Variants in REPS1 observed in about 807,000 individuals in gnomAD.
The protein encoded by REPS1 is ralBP1-associated Eps domain-containing protein 1.
In REPS1, 39 loss-of-function variants were observed where a neutral mutation model predicts 100.9. The ratio of observed to expected loss-of-function variants is 0.39; its 90% CI spans 0.30 to 0.50. The LOEUF (loss-of-function observed/expected upper bound fraction) is 0.50, where lower values mean the gene tolerates loss of function less well. Among genes scored for constraint, REPS1 ranks in the 20% least tolerant of loss-of-function variants. REPS1 has a pLI of 0.86. For missense variants in REPS1, 821 were observed against 968.5 expected (o/e 0.85, Z 2.02); for synonymous variants, 324 against 340.3 (o/e 0.95, Z 0.53).
rs1554292164 is a variant in REPS1 at position 138,947,035 on chromosome 6, G to GCTCTCTCTCTCTCTTGCT, written c.277+754_277+755insAGCAAGAGAGAGAGAGAG. On this transcript the variant is annotated intron_variant, in intron 2 of 19. Coordinates refer to ENST00000450536, the MANE Select transcript of REPS1 (RefSeq NM_001286611.2). ...TAAATGTCTGTGGCTATTCCCCCTT[G>GCTCTCTCTCTCTCTTGCT]CTCTCTCTCTCTCTCTCTCTCTCTC... 9.6e-3 allele frequency among the ~76,000 whole-genome samples: 1,320 copies of GCTCTCTCTCTCTCTTGCT among 137,620 alleles called. 23 individuals carry two copies. Among genetic ancestry groups the GCTCTCTCTCTCTCTTGCT allele is most frequent in the African/African-American group, 0.035 (1,257 of 35,418 alleles). 90.3% of individuals were successfully genotyped at this position (137,620 alleles called of 152,430 possible).
intron 12 of REPS1, 42 bp downstream of exon 12, chr6:138,920,173 G>C: frequency 9.6e-7 from 1 of 1,044,228 alleles, no homozygotes; most frequent in South Asian, 1.3e-5. Context: ...TCTAAATCCA[G>C]ACTTAGTAAA....
chr6:138,910,267 C>T (rs944466178), intron 17 of REPS1, among the ~76,000 whole-genome samples: 4 of 152,340 alleles, frequency 2.6e-5, no homozygotes, highest in South Asian at 2.1e-4. Context: ...TTGCCTTCTG[C>T]CATGATTCTA....
chr6:138,914,043 C>G (rs1780191331), intron 15 of REPS1, among the ~76,000 whole-genome samples: 1 of 152,068 alleles, frequency 6.6e-6, no homozygotes, highest in Non-Finnish European at 1.5e-5. Context: ...TAAACACATC[C>G]AGAGAGATGC....
intron 1 of REPS1, among the ~76,000 whole-genome samples, chr6:138,959,290 T>C (rs1783589939): frequency 6.6e-6 from 1 of 152,156 alleles, no homozygotes; most frequent in Non-Finnish European, 1.5e-5. Context: ...AGCTACTTCT[T>C]ATTCCTGGTG....
At chr6:138,957,458 T>C (rs1415066933) in intron 1 of REPS1, among the ~76,000 whole-genome samples, 1 of 152,232 alleles carries the variant, frequency 6.6e-6, no homozygotes, top group African/African-American at 2.4e-5. Flanking sequence ...ATGGAAAGAA[T>C]GGACATTTTC....
At chr6:138,927,238 G>A (rs1781198072) in intron 9 of REPS1, 1 of 151,952 alleles carries the variant, frequency 6.6e-6, no homozygotes, top group African/African-American at 2.4e-5. Flanking sequence ...CTGAGCATGA[G>A]TTATATACAG....
At chr6:138,925,365 T>G (rs1055835017) in intron 10 of REPS1, among the ~76,000 whole-genome samples, 1 of 152,030 alleles carries the variant, frequency 6.6e-6, no homozygotes, top group Non-Finnish European at 1.5e-5. Flanking sequence ...AGGCTCCAAC[T>G]CAAAAAACAA....
At chr6:138,983,731 C>A (rs1018237374) in intron 1 of REPS1, among the ~76,000 whole-genome samples, 1 of 152,064 alleles carries the variant, frequency 6.6e-6, no homozygotes, top group East Asian at 1.9e-4. Context: ...ATGTGCATGC[C>A]CAGTCTATGT....
chr6:138,914,226 C>T (rs990217799), intron 15 of REPS1, among the ~76,000 whole-genome samples: 1 of 150,774 alleles, frequency 6.6e-6, no homozygotes, highest in Non-Finnish European at 1.5e-5. Context: ...CACACCACCA[C>T]ACCCAGCTAA....
intron 1 of REPS1, among the ~76,000 whole-genome samples, chr6:138,974,806 T>A (rs1005471369): frequency 1.3e-5 from 2 of 152,016 alleles, no homozygotes; most frequent in African/African-American, 2.4e-5. Context: ...CTTGCTTGAG[T>A]CCAGGAGTTT....
At chr6:138,980,366 CT>C (rs1784870427) in intron 1 of REPS1, among the ~76,000 whole-genome samples, 1 of 152,132 alleles carries the variant, frequency 6.6e-6, no homozygotes, top group Non-Finnish European at 1.5e-5. Context: ...CGAATAAAAA[CT>C]TTTAGTATAT....
chr6:138,959,722 T>G (rs1349109022), intron 1 of REPS1, among the ~76,000 whole-genome samples: 1 of 152,186 alleles, frequency 6.6e-6, no homozygotes, highest in African/African-American at 2.4e-5. Context: ...CCCACAATTC[T>G]GACTCACTAA....
chr6:138,941,508 G>A lies in REPS1; in HGVS notation c.981-19C>T. 3.1e-6 allele frequency: 5 copies of A among 1,607,414 alleles called. No homozygotes were observed. The highest frequency in any genetic ancestry group is 4.3e-6 in the Non-Finnish European group (5 of 1,174,908). ...GAGTTCCCTAGAAGATAAGTTTATT[G>A]TGAATATAATCACATTCCGCTTTGG... On this transcript the variant is annotated intron_variant, in intron 7 of 19. Coordinates refer to ENST00000450536, the MANE Select transcript of REPS1 (RefSeq NM_001286611.2).
intron 7 of REPS1, among the ~76,000 whole-genome samples, chr6:138,942,722 G>A (rs1020063515): frequency 7.3e-5 from 11 of 151,676 alleles, no homozygotes; most frequent in Non-Finnish European, 1.2e-4. Context: ...AATTACAGGC[G>A]TGAACCACCA....
intron 1 of REPS1, among the ~76,000 whole-genome samples, chr6:138,984,993 T>A (rs984776419): frequency 6.6e-6 from 1 of 152,222 alleles, no homozygotes; most frequent in African/African-American, 2.4e-5. Context: ...TGAAAGAGTG[T>A]CATTCCTTAC....
intron 1 of REPS1, among the ~76,000 whole-genome samples, chr6:138,977,928 C>T (rs1784689474): frequency 6.6e-6 from 1 of 152,212 alleles, no homozygotes; most frequent in African/African-American, 2.4e-5. Context: ...TTTTTAATTA[C>T]AGCCACTCTG....
At chr6:138,956,107 G>A (rs951957403) in intron 1 of REPS1, among the ~76,000 whole-genome samples, 17 of 152,014 alleles carry the variant, frequency 1.1e-4, no homozygotes, top group Non-Finnish European at 2.5e-4. Flanking sequence ...CTAAAATATA[G>A]GACGCTCTCA....
At chr6:138,924,660 T>A (rs994189810) in intron 10 of REPS1, among the ~76,000 whole-genome samples, 6 of 152,296 alleles carry the variant, frequency 3.9e-5, no homozygotes, top group African/African-American at 9.6e-5. Context: ...CATATTAGCT[T>A]AACTGTACAA....
At chr6:138,968,060 A>G (rs997497423) in intron 1 of REPS1, among the ~76,000 whole-genome samples, 3 of 152,204 alleles carry the variant, frequency 2.0e-5, no homozygotes, top group South Asian at 4.1e-4. Context: ...TCGACTTACA[A>G]TATTTTCACC....
Sources: gnomAD v4.1 joint callset for allele counts (sites outside exome capture counted in the v4.1 genomes callset) on GRCh38, gnomAD v4.1.1 for gene constraint, MANE v1.5 for transcripts, NCBI Gene and HGNC (gene_info 2026-07-23, HGNC 2026-07-21) for gene names.